The following TBC1D4 variants were observed in gnomAD, a reference collection of about 807,000 sequenced individuals.
TBC1D4 encodes the protein TBC1 domain family member 4.
Under a neutral mutation model 142.5 loss-of-function variants are expected in TBC1D4, and 121 were observed. That is an observed-to-expected ratio of 0.85 (90% CI 0.73 to 0.99). TBC1D4 has a LOEUF of 0.99. Ranked by LOEUF, TBC1D4 falls within the 50% of genes least tolerant of loss-of-function variation. The probability of loss-of-function intolerance (pLI) is 0.00; values close to 1 mark genes in which losing one functional copy is unlikely to be tolerated. For missense variants in TBC1D4, 1,475 were observed against 1,606.6 expected, an observed-to-expected ratio of 0.92 and a Z score of 1.40; for synonymous variants, 630 against 628.2, an observed-to-expected ratio of 1.00 and a Z score of -0.04.
At chr13:75,414,968 A>T (rs9543924) in intron 1 of TBC1D4, among the ~76,000 whole-genome samples, 31,371 of 151,584 alleles carry the variant, frequency 0.21, 3,635 homozygotes, top group African/African-American at 0.31. Context: ...TACTAAAAAC[A>T]CAAAAATTAG....
rs1426831656 is a variant in TBC1D4, at chr13:75,481,732, G to A, written c.36C>T (p.Phe12=). 1.3e-6 allele frequency: 2 copies of A among 1,595,310 alleles called. No individual in the cohort carries two copies. Among genetic ancestry groups the A allele is most frequent in the Non-Finnish European group, 1.7e-6 (2 of 1,173,456 alleles). ...CCGGCTCGGGCTCCAGGGGGTGCGG[G>A]AACGGCTCATCCTGAATGCAGCTGG... ...EPPSCIQDEP[F]PHPLEPEPGV... Residue 12 remains phenylalanine, a synonymous_variant, in exon 1 of 21, where the codon TTC becomes TTT. Coordinates refer to ENST00000377636, the MANE Select transcript of TBC1D4 (RefSeq NM_014832.5).
At chr13:75,441,210 C>T (rs1417931981) in intron 1 of TBC1D4, among the ~76,000 whole-genome samples, 2 of 152,086 alleles carry the variant, frequency 1.3e-5, no homozygotes, top group African/African-American at 2.4e-5. Flanking sequence ...GCGCCAAGAT[C>T]GCACCACTGC....
chr13:75,295,159 T>C (rs1484036670), intron 17 of TBC1D4, 146 bp from the exon 18 acceptor site: 6 of 799,510 alleles, frequency 7.5e-6, no homozygotes, highest in African/African-American at 1.7e-5. Context: ...TTAAAGTTGA[T>C]ACTAAAATCC....
chr13:75,299,036 C>T (rs1876240250), intron 17 of TBC1D4, among the ~76,000 whole-genome samples: 1 of 152,166 alleles, frequency 6.6e-6, no homozygotes, highest in African/African-American at 2.4e-5. Context: ...CCATGTAACC[C>T]ATAGACTTAG....
At chr13:75,295,132 A>G in intron 17 of TBC1D4, 119 bp from the exon 18 acceptor site, 1 of 945,966 alleles carries the variant, frequency 1.1e-6, no homozygotes, top group Non-Finnish European at 1.5e-6. Flanking sequence ...AAGTAGTATT[A>G]CTTTATTTTT....
At position 75,464,408 on chromosome 13, in the gene TBC1D4, C is replaced by T. The variant is rs145766695; in HGVS notation, c.498+16862G>A. ...GAGCAATCTGTGCCTTAAGGACATG[C>T]TCCTGCTGCAGATAACTAGCCAGAG... On this transcript the variant is annotated intron_variant, in intron 1 of 20. Transcript: ENST00000377636. 9.9e-3 allele frequency among the ~76,000 whole-genome samples: 1,512 copies of T among 152,358 alleles called. 19 individuals are homozygous for T. Among genetic ancestry groups the T allele is most frequent in the African/African-American group, 0.035 (1,440 of 41,582 alleles).
chr13:75,416,295 G>A (rs1885912908), intron 1 of TBC1D4, among the ~76,000 whole-genome samples: 1 of 152,136 alleles, frequency 6.6e-6, no homozygotes, highest in African/African-American at 2.4e-5. Flanking sequence ...CTCTCTGTAA[G>A]TCTAAAATTA....
chr13:75,449,742 C>T (rs1464540477), intron 1 of TBC1D4, among the ~76,000 whole-genome samples: 2 of 151,976 alleles, frequency 1.3e-5, no homozygotes, highest in Non-Finnish European at 2.9e-5. Flanking sequence ...TGCACCACCA[C>T]ACCTGGCTAC....
chr13:75,447,840 T>TA (rs1887358049), intron 1 of TBC1D4, among the ~76,000 whole-genome samples: 1 of 152,060 alleles, frequency 6.6e-6, no homozygotes, highest in Non-Finnish European at 1.5e-5. Context: ...AGGCTCCTTA[T>TA]GAAAATCTAA....
chr13:75,380,269 C>A (rs1220047303), intron 1 of TBC1D4, among the ~76,000 whole-genome samples: 3 of 151,794 alleles, frequency 2.0e-5, no homozygotes, highest in African/African-American at 7.2e-5. Context: ...GTCAGGGGTT[C>A]AAGAACAGCC....
chr13:75,292,222 G>C lies in TBC1D4; in HGVS notation c.3366C>G (p.Ser1122Arg). The C allele has an allele frequency of 2.5e-6, 4 of 1,613,224 alleles. No individual in the cohort carries two copies. Among genetic ancestry groups the C allele is most frequent in the Non-Finnish European group, 3.4e-6 (4 of 1,179,610 alleles). Residue 1122 changes from serine to arginine, a missense_variant, in exon 19 of 21, where the codon AGC (serine) becomes AGG (arginine). By Grantham distance (110) the Ser-to-Arg change is moderately radical (BLOSUM62 -1). Around this residue, in one of 2 missense-constraint regions of TBC1D4, gnomAD observed 248 missense variants for 338.9 expected, o/e 0.73. Coordinates refer to ENST00000377636, the MANE Select transcript of TBC1D4 (RefSeq NM_014832.5). Reference protein sequence around the residue: ...GTEVIFKVALSLLSSQETLIM... With the variant: ...GTEVIFKVALRLLSSQETLIM... ...TAAGTGTCTCTTGGCTGCTCAGTAG[G>C]CTGAGTGCAACCTTGAATATAACTT... is the stretch of plus-strand genomic sequence containing the variant.
chr13:75,324,490 G>T, intron 10 of TBC1D4, 89 bp from the exon 11 acceptor site: 8 of 1,476,728 alleles, frequency 5.4e-6, no homozygotes, highest in Non-Finnish European at 4.6e-6. Flanking sequence ...ACAGGTTCTT[G>T]CTATTAATTT....
chr13:75,454,173 C>T (rs1191566520), intron 1 of TBC1D4, among the ~76,000 whole-genome samples: 1 of 151,952 alleles, frequency 6.6e-6, no homozygotes, highest in Non-Finnish European at 1.5e-5. Flanking sequence ...AGGTGTGCCA[C>T]CATGCCCAAG....
intron 1 of TBC1D4, among the ~76,000 whole-genome samples, chr13:75,436,052 A>C (rs961704763): frequency 1.3e-5 from 2 of 152,142 alleles, no homozygotes; most frequent in African/African-American, 4.8e-5. Context: ...ATGGGAGGTA[A>C]TTGAATCATG....
At chr13:75,463,627 C>T (rs979700349) in intron 1 of TBC1D4, among the ~76,000 whole-genome samples, 1 of 152,164 alleles carries the variant, frequency 6.6e-6, no homozygotes, top group African/African-American at 2.4e-5. Context: ...TTTCATCAAC[C>T]TCAGTATTGG....
chr13:75,404,065 C>CAT (rs376109545), intron 1 of TBC1D4, among the ~76,000 whole-genome samples: 7,869 of 102,864 alleles, frequency 0.076, 206 homozygotes, highest in Non-Finnish European at 0.099. Flanking sequence ...TATATACATA[C>CAT]ACACACACAC....
intron 2 of TBC1D4, among the ~76,000 whole-genome samples, chr13:75,361,253 G>C (rs1242673062): frequency 6.6e-6 from 1 of 152,068 alleles, no homozygotes; most frequent in Admixed American, 6.5e-5. Flanking sequence ...GCATAAATTG[G>C]TGTGTCCTCG....
Position 75,292,088 on chromosome 13 carries a change from C to T in TBC1D4, c.3486+14G>A. 1 of 1,602,928 alleles carries T rather than the reference C, an allele frequency of 6.2e-7. No homozygotes were observed. Among genetic ancestry groups the T allele is most frequent in the Non-Finnish European group, 8.5e-7 (1 of 1,172,300 alleles). On this transcript the variant is annotated intron_variant, in intron 19 of 20. Transcript: ENST00000377636. ...GAAAACTGCTATATAATACTATTAG[C>T]ATTTAAATCATACCTGGGTAATAAT...
At chr13:75,409,842 C>A (rs1885531002) in intron 1 of TBC1D4, among the ~76,000 whole-genome samples, 1 of 152,286 alleles carries the variant, frequency 6.6e-6, no homozygotes, top group African/African-American at 2.4e-5. Flanking sequence ...CCCTTCTAAT[C>A]TTAGGATGTT....
Sources: allele counts gnomAD v4.1 joint callset (sites outside exome capture counted in the v4.1 genomes callset), GRCh38; gene constraint gnomAD v4.1.1; regional missense constraint gnomAD v4.1.1; transcripts MANE v1.5; gene names NCBI Gene and HGNC (gene_info 2026-07-23, HGNC 2026-07-21).